COP1: variants seen among roughly 807,000 people sequenced by gnomAD.
COP1 encodes COP1 E3 ubiquitin ligase, also known as E3 ubiquitin-protein ligase COP1.
COP1 carries 24 observed loss-of-function variants against 101.3 expected under a neutral mutation model. The observed-to-expected ratio is 0.24, with a 90% confidence interval of 0.17 to 0.33. COP1 has a LOEUF of 0.33. COP1 is among the 10% of genes least tolerant of loss of function. The pLI, the probability that COP1 is intolerant of heterozygous loss-of-function variation, is 1.00. For missense variants in COP1, 663 were observed against 906.2 expected (o/e 0.73, Z 3.45); for synonymous variants, 347 against 341.9 (o/e 1.01, Z -0.17).
At position 176,048,222 on chromosome 1, in the gene COP1, G is replaced by A. The variant is rs1332251126; in HGVS notation, c.1278-1898C>T. Among the ~76,000 whole-genome samples the A allele has an allele frequency of 8.1e-5, 10 of 123,620 alleles. No homozygotes were observed. The Admixed American group carries it at 9.6e-4, about 12-fold the overall frequency. The allele number at this position is 123,620 out of a possible 152,430, so 81.1% of individuals were successfully genotyped here. On this transcript the variant is annotated intron_variant, in intron 11 of 19. Coordinates refer to ENST00000367669, the MANE Select transcript of COP1 (RefSeq NM_022457.7). ...TTTTTTTTTTTTTTTTTACAGAGAT[G>A]GGGTCTCACTATGTCGCCTGGGCTG...
At chr1:176,001,841 T>C (rs757016878) in intron 15 of COP1, among the ~76,000 whole-genome samples, 1 of 152,136 alleles carries the variant, frequency 6.6e-6, no homozygotes, top group Admixed American at 6.6e-5. Context: ...CCCTTCATTT[T>C]TGATGAATAG....
chr1:176,203,109 G>A (rs1279085171), intron 1 of COP1, among the ~76,000 whole-genome samples: 1 of 151,688 alleles, frequency 6.6e-6, no homozygotes, highest in African/African-American at 2.4e-5. Flanking sequence ...AGGCAGAGGC[G>A]GGCGGATCAT....
chr1:176,149,359 T>TG (rs1398533883), intron 5 of COP1, among the ~76,000 whole-genome samples: 6 of 152,104 alleles, frequency 3.9e-5, no homozygotes, highest in African/African-American at 1.4e-4. Context: ...ATTACCTGAC[T>TG]CCTAGCCTTC....
At position 176,127,915 on chromosome 1, in the gene COP1, T is replaced by C. The variant is rs377480820; in HGVS notation, c.968+7095A>G. On this transcript the variant is annotated intron_variant, in intron 8 of 19. Transcript: ENST00000367669. ...TCCTCATCAACACTTGTTTCATCTTTCTGATAATGGCCAATCTAAGAAATG... is the reference window on the plus strand; with the variant it reads ...TCCTCATCAACACTTGTTTCATCTTCCTGATAATGGCCAATCTAAGAAATG... Among the ~76,000 whole-genome samples, 21 of 152,240 alleles carry C rather than the reference T, an allele frequency of 1.4e-4. No individual in the cohort carries two copies. In the East Asian group the frequency reaches 3.7e-3, roughly 27 times the overall value.
chr1:176,196,746 G>A (rs968940599), intron 1 of COP1, among the ~76,000 whole-genome samples: 4 of 151,956 alleles, frequency 2.6e-5, no homozygotes, highest in Non-Finnish European at 4.4e-5. Context: ...TCGTCTTTTA[G>A]AAGCCAGCAC....
Position 176,012,695 on chromosome 1 carries a change from T to C in COP1, c.1729+14877A>G, listed in dbSNP as rs144262610. Reference sequence around the variant, plus strand: ...ATTTTTTTTTTAACCTTATATTGTATTCTTACTGTAGCTTTTCTACATTTA... The same window carrying C: ...ATTTTTTTTTTAACCTTATATTGTACTCTTACTGTAGCTTTTCTACATTTA... On this transcript the variant is annotated intron_variant, in intron 15 of 19. Transcript: ENST00000367669. 2.6e-3 allele frequency among the ~76,000 whole-genome samples: 399 copies of C among 152,292 alleles called. 3 individuals carry two copies. The highest frequency in any genetic ancestry group is 9.2e-3 in the African/African-American group (381 of 41,558).
intron 18 of COP1, among the ~76,000 whole-genome samples, chr1:175,951,437 AATATATAT>A (rs765055146): frequency 8.3e-5 from 9 of 108,016 alleles, no homozygotes; most frequent in African/African-American, 3.1e-4. Context: ...AAGATACGTG[AATATATAT>A]ATATATATAT....
At chr1:176,025,883 A>C (rs918538453) in intron 15 of COP1, among the ~76,000 whole-genome samples, 9 of 151,966 alleles carry the variant, frequency 5.9e-5, no homozygotes, top group Non-Finnish European at 4.4e-5. Context: ...TGTCTCATAA[A>C]AACAAAAAAA....
intron 10 of COP1, among the ~76,000 whole-genome samples, chr1:176,085,357 T>C (rs1273533115): frequency 6.6e-6 from 1 of 152,164 alleles, no homozygotes; most frequent in Non-Finnish European, 1.5e-5. Context: ...CAGAACTGTT[T>C]ATCTGTTGCT....
intron 1 of COP1, among the ~76,000 whole-genome samples, chr1:176,200,655 A>T (rs1267616358): frequency 6.6e-6 from 1 of 152,214 alleles, no homozygotes; most frequent in African/African-American, 2.4e-5. Context: ...ATAAAACTTA[A>T]TTGTGAAAAA....
At chr1:176,059,335 T>C (rs1360710737) in intron 11 of COP1, among the ~76,000 whole-genome samples, 2 of 152,246 alleles carry the variant, frequency 1.3e-5, no homozygotes. Context: ...TAAATTATTA[T>C]TTGACCATCT....
chr1:175,985,658 A>C (rs1229073429), intron 18 of COP1, among the ~76,000 whole-genome samples: 2 of 152,226 alleles, frequency 1.3e-5, no homozygotes, highest in African/African-American at 2.4e-5. Context: ...TAGATTCAAA[A>C]GCCAGGGTCA....
chr1:176,069,474 TTTAAG>T (rs1558043796), intron 11 of COP1, among the ~76,000 whole-genome samples: 1 of 152,216 alleles, frequency 6.6e-6, no homozygotes, highest in Non-Finnish European at 1.5e-5. Context: ...CTACCTTGAA[TTTAAG>T]TTATTTATCC....
chr1:176,184,624 T>C lies in COP1; in HGVS notation c.467+9A>G. On this transcript the variant is annotated intron_variant, in intron 2 of 19. Coordinates refer to ENST00000367669, the MANE Select transcript of COP1 (RefSeq NM_022457.7). The stretch of plus-strand genomic sequence containing the variant: ...TAAAAGATTATTTTACTCAATAGAA[T>C]TGTCTTACCAAAAGCTGTGGCCACA... The C allele has an allele frequency of 1.3e-6, 2 of 1,589,540 alleles. No homozygotes were observed. The highest frequency in any genetic ancestry group is 8.6e-7 in the Non-Finnish European group (1 of 1,162,020).
intron 18 of COP1, among the ~76,000 whole-genome samples, chr1:175,966,709 A>G (rs971969274): frequency 6.6e-6 from 1 of 152,224 alleles, no homozygotes; most frequent in African/African-American, 2.4e-5. Flanking sequence ...CATACATTAT[A>G]AATATACATT....
intron 11 of COP1, among the ~76,000 whole-genome samples, chr1:176,052,527 C>T (rs1672745788): frequency 6.6e-6 from 1 of 152,052 alleles, no homozygotes. Context: ...TATAATTCTC[C>T]CCATTTACTA....
At chr1:176,186,339 CT>C (rs1698437587) in intron 1 of COP1, among the ~76,000 whole-genome samples, 2 of 149,936 alleles carry the variant, frequency 1.3e-5, no homozygotes, top group African/African-American at 2.5e-5. Flanking sequence ...GACCTCATCT[CT>C]ACAAAAAAAA....
intron 1 of COP1, chr1:176,206,248 T>C: frequency 3.0e-6 from 1 of 330,078 alleles, no homozygotes; most frequent in Non-Finnish European, 5.6e-6. Flanking sequence ...ACTCAACCTC[T>C]CTGCCAACTT....
chr1:176,149,769 A>C (rs182023778), intron 5 of COP1, among the ~76,000 whole-genome samples: 57 of 152,248 alleles, frequency 3.7e-4, no homozygotes, highest in African/African-American at 1.3e-3. Flanking sequence ...TTTACTGTTA[A>C]AATTCACAAG....
Sources: gnomAD v4.1 joint callset for allele counts (sites outside exome capture counted in the v4.1 genomes callset) on GRCh38, gnomAD v4.1.1 for gene constraint, MANE v1.5 for transcripts, NCBI Gene and HGNC (gene_info 2026-07-23, HGNC 2026-07-21) for gene names.